The following PPP2R5C variants were observed in gnomAD, a reference collection of about 807,000 sequenced individuals.
The protein encoded by PPP2R5C is protein phosphatase 2 regulatory subunit B'gamma.
PPP2R5C carries 7 observed loss-of-function variants against 68.9 expected under a neutral mutation model. The observed-to-expected ratio is 0.10, with a 90% CI of 0.06 to 0.19. PPP2R5C has a LOEUF of 0.19. Ranked by LOEUF, PPP2R5C falls within the 10% of genes least tolerant of loss-of-function variation. The pLI is 1.00. For synonymous variants in PPP2R5C, 210 were observed against 222.2 expected, an observed-to-expected ratio of 0.95 and a Z score of 0.49; for missense variants, 348 against 641.3, an observed-to-expected ratio of 0.54 and a Z score of 4.94.
chr14:101,810,131 T>C, intron 1 of PPP2R5C: 2 of 1,185,756 alleles, frequency 1.7e-6, no homozygotes, highest in Admixed American at 2.0e-5. Context: ...AAGTCCTTTC[T>C]AGCAGAATTC....
At chr14:101,851,752 T>C (rs2042165133) in intron 1 of PPP2R5C, among the ~76,000 whole-genome samples, 1 of 152,218 alleles carries the variant, frequency 6.6e-6, no homozygotes, top group Admixed American at 6.5e-5. Flanking sequence ...TGGTCCTTTA[T>C]GGTGTCTTGG....
intron 12 of PPP2R5C, chr14:101,912,715 C>CTTA: frequency 1.3e-6 from 1 of 780,030 alleles, no homozygotes; most frequent in Non-Finnish European, 1.7e-6. Flanking sequence ...AGATCTGAAT[C>CTTA]TTATGCATAT....
At position 101,888,980 on chromosome 14, in the gene PPP2R5C, C is replaced by A. The variant is rs551526968; in HGVS notation, c.630-1257C>A. 1.3e-5 allele frequency among the ~76,000 whole-genome samples: 2 copies of A among 151,880 alleles called. No individual in the cohort carries two copies. Among genetic ancestry groups the A allele is most frequent in the Admixed American group, 6.6e-5 (1 of 15,242 alleles). On this transcript the variant is annotated intron_variant, in intron 5 of 13. Transcript: ENST00000334743. The surrounding 1 kb of genome is among the most constrained non-coding windows in gnomAD (Gnocchi z 5.6). ...GGCACAGACCTTTGTTCCAGCCAAA[C>A]GAGTTCTTCTCCCTCTCCACACTGC... is the stretch of plus-strand genomic sequence containing the variant.
At chr14:101,900,764 T>C (rs1310471195) in intron 8 of PPP2R5C, among the ~76,000 whole-genome samples, 3 of 152,198 alleles carry the variant, frequency 2.0e-5, no homozygotes, top group Non-Finnish European at 4.4e-5. Context: ...CCAAGGAACA[T>C]AAAACATCCA....
chr14:101,886,850 T>C (rs2044557044), intron 5 of PPP2R5C, among the ~76,000 whole-genome samples: 1 of 152,174 alleles, frequency 6.6e-6, no homozygotes, highest in Non-Finnish European at 1.5e-5. Context: ...CTACCTCAGC[T>C]TCCCAAGTAG....
At position 101,899,088 on chromosome 14, in the gene PPP2R5C, G is replaced by A. The variant is rs1280619056; in HGVS notation, c.853-2631G>A. 6.6e-6 allele frequency among the ~76,000 whole-genome samples: 1 copy of A among 152,234 alleles called. No individual in the cohort carries two copies. Among genetic ancestry groups the A allele is most frequent in the East Asian group, 1.9e-4 (1 of 5,204 alleles). ...ACATGTGTTGCCCCATTTGTAGCCT[G>A]TAATTAGTATTTTTCATTTGCTAAT... On this transcript the variant is annotated intron_variant, in intron 8 of 13. Coordinates refer to ENST00000334743, the Ensembl canonical transcript of PPP2R5C. The surrounding 1 kb of genome is among the most constrained non-coding windows in gnomAD (Gnocchi z 4.2).
intron 1 of PPP2R5C, among the ~76,000 whole-genome samples, chr14:101,838,489 G>C (rs919354245): frequency 1.3e-5 from 2 of 152,202 alleles, no homozygotes; most frequent in African/African-American, 4.8e-5. Flanking sequence ...TCAATATTTT[G>C]CCACATTTGC....
At position 101,899,949 on chromosome 14, in the gene PPP2R5C, C is replaced by T. The variant is rs1258909028; in HGVS notation, c.853-1770C>T. ...GTTAGATTCTTGGAGTACAGTGGCGCAGTCATGGCTCACTGCAGCCTCAAC... is the reference window on the plus strand; with the variant it reads ...GTTAGATTCTTGGAGTACAGTGGCGTAGTCATGGCTCACTGCAGCCTCAAC... On this transcript the variant is annotated intron_variant, in intron 8 of 13. Transcript: ENST00000334743. The surrounding 1 kb of genome is among the most constrained non-coding windows in gnomAD (Gnocchi z 4.2). Among the ~76,000 whole-genome samples, 1 of 152,100 alleles carries T rather than the reference C, an allele frequency of 6.6e-6. No homozygotes were observed. Among genetic ancestry groups the T allele is most frequent in the African/African-American group, 2.4e-5 (1 of 41,412 alleles).
intron 2 of PPP2R5C, among the ~76,000 whole-genome samples, chr14:101,771,742 A>G (rs2037160608): frequency 6.6e-6 from 1 of 152,026 alleles, no homozygotes; most frequent in Non-Finnish European, 1.5e-5. Context: ...CAACAACACA[A>G]AAATGGCCCC....
intron 9 of PPP2R5C, among the ~76,000 whole-genome samples, chr14:101,904,823 A>C (rs915538377): frequency 6.6e-6 from 1 of 152,224 alleles, no homozygotes; most frequent in Non-Finnish European, 1.5e-5. Context: ...GACAGTAGTT[A>C]TACAGGTGAA....
intron 1 of PPP2R5C, among the ~76,000 whole-genome samples, chr14:101,845,397 A>G (rs1481752951): frequency 6.6e-6 from 1 of 152,176 alleles, no homozygotes; most frequent in Non-Finnish European, 1.5e-5. Context: ...CGAGGAAAGC[A>G]GCCTCTCCTG....
intron 2 of PPP2R5C, among the ~76,000 whole-genome samples, chr14:101,763,649 G>A (rs140186803): frequency 2.6e-4 from 40 of 152,258 alleles, no homozygotes; most frequent in Admixed American, 5.2e-4. Context: ...CTAAGGTGCT[G>A]GGATTACAGG....
intron 2 of PPP2R5C, among the ~76,000 whole-genome samples, chr14:101,867,492 A>G (rs981168748): frequency 6.6e-6 from 1 of 152,094 alleles, no homozygotes; most frequent in Non-Finnish European, 1.5e-5. Context: ...AAATAAAAAC[A>G]AGCGGCCAGG....
intron 5 of PPP2R5C, among the ~76,000 whole-genome samples, chr14:101,887,029 C>T (rs1487710100): frequency 6.6e-6 from 1 of 152,244 alleles, no homozygotes; most frequent in Non-Finnish European, 1.5e-5. Context: ...GCCACCACAC[C>T]CAGCCAGCTC....
At chr14:101,775,617 G>A (rs995348608) in intron 2 of PPP2R5C, among the ~76,000 whole-genome samples, 4 of 152,286 alleles carry the variant, frequency 2.6e-5, no homozygotes, top group South Asian at 2.1e-4. Context: ...ATGCTTGTTG[G>A]GAAGACTTGG....
intron 11 of PPP2R5C, among the ~76,000 whole-genome samples, chr14:101,910,116 G>A (rs1595534735): frequency 6.6e-6 from 1 of 152,158 alleles, no homozygotes; most frequent in Non-Finnish European, 1.5e-5. Context: ...TGAACTCAGC[G>A]ATGTGGGTGT....
intron 13 of PPP2R5C, among the ~76,000 whole-genome samples, chr14:101,918,383 TCCCCTCACCCCCTTG>T (rs2046803016): frequency 1.5e-5 from 1 of 68,642 alleles, no homozygotes; most frequent in Non-Finnish European, 2.9e-5. Flanking sequence ...CCTCCCCCTG[TCCCCTCACCCCCTTG>T]CCCCTCCCCC....
chr14:101,892,471 T>C (rs886171978), intron 6 of PPP2R5C, among the ~76,000 whole-genome samples: 3 of 152,274 alleles, frequency 2.0e-5, no homozygotes, highest in Non-Finnish European at 4.4e-5. Flanking sequence ...GAGCTCCTGC[T>C]GTTGAGCCAG....
chr14:101,867,107 C>T (rs1187444143), intron 2 of PPP2R5C, among the ~76,000 whole-genome samples: 1 of 151,588 alleles, frequency 6.6e-6, no homozygotes, highest in Non-Finnish European at 1.5e-5. Context: ...ATCTCAGCTA[C>T]TCGGGAGGCT....
Sources: allele counts gnomAD v4.1 joint callset (sites outside exome capture counted in the v4.1 genomes callset), GRCh38; gene constraint gnomAD v4.1.1; non-coding constraint Gnocchi (gnomAD v3.1); transcripts MANE v1.5; gene names NCBI Gene and HGNC (gene_info 2026-07-23, HGNC 2026-07-21).